EPHA6: variants seen among roughly 807,000 people sequenced by gnomAD.
EPHA6 encodes the protein ephrin type-A receptor 6.
Under a neutral mutation model 112.0 loss-of-function variants are expected in EPHA6, and 50 were observed. The ratio of observed to expected loss-of-function variants is 0.45; its 90% CI spans 0.36 to 0.56. EPHA6 has a LOEUF of 0.56. EPHA6 is among the 20% of genes least tolerant of loss of function. The probability of loss-of-function intolerance (pLI) is 0.00; values close to 1 mark genes in which losing one functional copy is unlikely to be tolerated. For missense variants in EPHA6, 1,280 were observed against 1,417.4 expected (o/e 0.90, Z 1.56); for synonymous variants, 529 against 490.7 (o/e 1.08, Z -1.03).
chr3:97,203,455 C>T (rs1265804097), intron 3 of EPHA6, among the ~76,000 whole-genome samples: 2 of 151,928 alleles, frequency 1.3e-5, no homozygotes, highest in African/African-American at 4.8e-5. Flanking sequence ...GAGAAGTTGC[C>T]ACAAAACAAA....
intron 2 of EPHA6, among the ~76,000 whole-genome samples, chr3:96,947,497 G>A (rs2041329052): frequency 6.6e-6 from 1 of 152,090 alleles, no homozygotes; most frequent in Non-Finnish European, 1.5e-5. Context: ...TTGTAGATGT[G>A]TGGTATTATT....
chr3:97,700,378 C>T (rs1426752148), intron 14 of EPHA6, among the ~76,000 whole-genome samples: 1 of 152,204 alleles, frequency 6.6e-6, no homozygotes, highest in Non-Finnish European at 1.5e-5. Flanking sequence ...ATACCACATT[C>T]TTCAGGGCTG....
intron 5 of EPHA6, among the ~76,000 whole-genome samples, chr3:97,339,846 C>G (rs993281647): frequency 2.0e-5 from 3 of 151,364 alleles, no homozygotes; most frequent in Non-Finnish European, 4.4e-5. Context: ...GCGACAAGGA[C>G]TGTGAAGTGG....
At chr3:97,142,087 C>T (rs2075922151) in intron 3 of EPHA6, among the ~76,000 whole-genome samples, 1 of 151,884 alleles carries the variant, frequency 6.6e-6, no homozygotes, top group African/African-American at 2.4e-5. Flanking sequence ...GATAGTAAGT[C>T]TTGATGGCTA....
chr3:97,100,474 A>G (rs1051950744), intron 3 of EPHA6, among the ~76,000 whole-genome samples: 8 of 151,854 alleles, frequency 5.3e-5, no homozygotes, highest in Admixed American at 1.3e-4. Flanking sequence ...CTTAATGGCT[A>G]CTAACTGATT....
intron 11 of EPHA6, among the ~76,000 whole-genome samples, chr3:97,542,869 G>A (rs1294527974): frequency 1.3e-5 from 2 of 152,256 alleles, no homozygotes; most frequent in Admixed American, 6.5e-5. Flanking sequence ...TTTTTCGTGT[G>A]TTTTTTGGCT....
intron 14 of EPHA6, among the ~76,000 whole-genome samples, chr3:97,641,150 A>T (rs2094000260): frequency 6.6e-6 from 1 of 152,198 alleles, no homozygotes; most frequent in Admixed American, 6.5e-5. Flanking sequence ...TACAAAGCAA[A>T]ATTATAAAAG....
chr3:97,647,168 A>G (rs2094071358), intron 14 of EPHA6, among the ~76,000 whole-genome samples: 1 of 152,190 alleles, frequency 6.6e-6, no homozygotes, highest in Non-Finnish European at 1.5e-5. Context: ...GCAAGAAAGC[A>G]AAGAGAGCTG....
chr3:97,364,346 T>G (rs1039849394), intron 5 of EPHA6, among the ~76,000 whole-genome samples: 7 of 146,734 alleles, frequency 4.8e-5, no homozygotes, highest in Admixed American at 4.1e-4. Context: ...GAGTTTTAGT[T>G]TTTTTTTTTT....
At chr3:97,621,533 T>A (rs1238838840) in intron 13 of EPHA6, among the ~76,000 whole-genome samples, 1 of 151,896 alleles carries the variant, frequency 6.6e-6, no homozygotes. Flanking sequence ...TGGGTCTTGG[T>A]AGCATAAAGG....
At chr3:97,432,855 C>A (rs956115160) in intron 6 of EPHA6, among the ~76,000 whole-genome samples, 3 of 152,138 alleles carry the variant, frequency 2.0e-5, no homozygotes, top group African/African-American at 4.8e-5. Context: ...ATGTGGGAAA[C>A]CACCCCCATG....
At chr3:97,046,538 A>G (rs1173276945) in intron 3 of EPHA6, among the ~76,000 whole-genome samples, 1 of 152,220 alleles carries the variant, frequency 6.6e-6, no homozygotes, top group African/African-American at 2.4e-5. Flanking sequence ...TGATGCACTC[A>G]TTCTACAGAT....
rs565818833 is a variant in EPHA6, at chr3:97,642,000, C to CA, written c.2784+3923dup. 2.1e-3 allele frequency among the ~76,000 whole-genome samples: 317 copies of CA among 149,028 alleles called. 3 individuals carry two copies. Among genetic ancestry groups the CA allele is most frequent in the African/African-American group, 7.4e-3 (301 of 40,426 alleles). On this transcript the variant is annotated intron_variant, in intron 14 of 17. Transcript: ENST00000389672. ...CCTCTGGTGTCAGGGCACAGACAAA[C>CA]AAAAAGACAGCAGTAACCTCTGCAG...
chr3:97,086,611 A>T (rs2046908926), intron 3 of EPHA6, among the ~76,000 whole-genome samples: 1 of 152,072 alleles, frequency 6.6e-6, no homozygotes, highest in African/African-American at 2.4e-5. Context: ...ATAAGCACAT[A>T]TACATACCTA....
At position 96,987,749 on chromosome 3, in the gene EPHA6, C is replaced by T. The variant is rs1433877378; in HGVS notation, c.870C>T (p.Ala290=). 6.2e-7 allele frequency: 1 copy of T among 1,613,374 alleles called. No individual in the cohort carries two copies. The highest frequency in any genetic ancestry group is 2.2e-5 in the East Asian group (1 of 44,876). Residue 290 remains alanine (A), a synonymous_variant, in exon 3 of 18, where the codon GCC becomes GCT. Coordinates refer to ENST00000389672, the MANE Select transcript of EPHA6 (RefSeq NM_001080448.3). ...TTCAAGACATTGGGGCGTGCATTGC[C>T]CTGGTTTCAGTCCGTGTTTTCTACA... ...LAFQDIGACI[A]LVSVRVFYKK...
At chr3:97,310,765 CCGT>C (rs2081521835) in intron 5 of EPHA6, among the ~76,000 whole-genome samples, 1 of 151,582 alleles carries the variant, frequency 6.6e-6, no homozygotes, top group Admixed American at 6.6e-5. Context: ...TCTAAAGTGT[CCGT>C]CAAGTGTTTT....
intron 1 of EPHA6, among the ~76,000 whole-genome samples, chr3:96,822,252 A>G (rs968074164): frequency 6.6e-6 from 1 of 151,926 alleles, no homozygotes; most frequent in Non-Finnish European, 1.5e-5. Flanking sequence ...AGACTGGCCT[A>G]TTCTGGTGTG....
At chr3:97,273,871 A>G (rs1005472695) in intron 5 of EPHA6, among the ~76,000 whole-genome samples, 1 of 152,132 alleles carries the variant, frequency 6.6e-6, no homozygotes, top group Admixed American at 6.5e-5. Context: ...ATCCAGTGAA[A>G]TTGTCTACCC....
intron 1 of EPHA6, among the ~76,000 whole-genome samples, chr3:96,819,106 A>G (rs2033044047): frequency 6.6e-6 from 1 of 152,012 alleles, no homozygotes; most frequent in South Asian, 2.1e-4. Context: ...AAAATTATAC[A>G]TAATCCTTAA....
Sources: allele counts gnomAD v4.1 joint callset (sites outside exome capture counted in the v4.1 genomes callset), GRCh38; gene constraint gnomAD v4.1.1; transcripts MANE v1.5; gene names NCBI Gene and HGNC (gene_info 2026-07-23, HGNC 2026-07-21).